The following CSGALNACT1 variants were observed in gnomAD, a reference collection of about 807,000 sequenced individuals.
The protein encoded by CSGALNACT1 is beta4GalNAcT-1.
Under a neutral mutation model 51.0 loss-of-function variants are expected in CSGALNACT1, and 52 were observed. The observed-to-expected ratio is 1.02, with a 90% CI of 0.82 to 1.29. CSGALNACT1 has a LOEUF of 1.29. CSGALNACT1 is among the 50% of genes most tolerant of loss of function. CSGALNACT1 has a pLI of 0.00. For missense variants in CSGALNACT1, 935 were observed against 679.2 expected, an observed-to-expected ratio of 1.38 and a Z score of -4.19; for synonymous variants, 341 against 254.4, an observed-to-expected ratio of 1.34 and a Z score of -3.24.
chr8:19,709,979 A>G (rs900595917), intron 1 of CSGALNACT1, among the ~76,000 whole-genome samples: 1 of 152,170 alleles, frequency 6.6e-6, no homozygotes, highest in Non-Finnish European at 1.5e-5. Flanking sequence ...GCAGATGTAA[A>G]TGACTAATTA....
At chr8:19,498,863 C>A (rs1005332853) in intron 4 of CSGALNACT1, among the ~76,000 whole-genome samples, 2 of 152,220 alleles carry the variant, frequency 1.3e-5, no homozygotes, top group African/African-American at 4.8e-5. Flanking sequence ...CCTGTAATCT[C>A]AATGCTTTGG....
At chr8:19,438,502 G>C (rs1180644745) in intron 6 of CSGALNACT1, among the ~76,000 whole-genome samples, 1 of 152,114 alleles carries the variant, frequency 6.6e-6, no homozygotes, top group Non-Finnish European at 1.5e-5. Flanking sequence ...TTTGATCTTA[G>C]ACACAGGCCA....
At chr8:19,670,650 C>CAAAAAAAAAAAAAAAAAA (rs752256046) in intron 1 of CSGALNACT1, among the ~76,000 whole-genome samples, 7 of 92,844 alleles carry the variant, frequency 7.5e-5, no homozygotes, top group Non-Finnish European at 7.7e-5. Context: ...CTACTGAAGA[C>CAAAAAAAAAAAAAAAAAA]AAAAAAAAAA....
intron 5 of CSGALNACT1, among the ~76,000 whole-genome samples, chr8:19,451,677 G>A (rs369290696): frequency 4.8e-4 from 73 of 152,276 alleles, no homozygotes; most frequent in Admixed American, 2.7e-3. Context: ...GACCAGGGCT[G>A]CTCTTTCTTG....
At chr8:19,660,727 T>G (rs1474108481) in intron 1 of CSGALNACT1, among the ~76,000 whole-genome samples, 1 of 152,154 alleles carries the variant, frequency 6.6e-6, no homozygotes, top group South Asian at 2.1e-4. Flanking sequence ...CCATGATCCC[T>G]GATATTAAAG....
chr8:19,553,534 A>G (rs564991978), intron 3 of CSGALNACT1, among the ~76,000 whole-genome samples: 2 of 150,704 alleles, frequency 1.3e-5, no homozygotes, highest in African/African-American at 4.9e-5. Flanking sequence ...AAGCTCAAAC[A>G]ATTTATATAC....
chr8:19,571,802 C>T (rs868712078), intron 3 of CSGALNACT1, among the ~76,000 whole-genome samples: 2 of 152,224 alleles, frequency 1.3e-5, no homozygotes, highest in Admixed American at 6.5e-5. Context: ...ACAGAAACCT[C>T]TGCCCTCTTT....
intron 1 of CSGALNACT1, among the ~76,000 whole-genome samples, chr8:19,688,026 T>C (rs752640514): frequency 2.0e-5 from 3 of 152,198 alleles, no homozygotes; most frequent in Non-Finnish European, 4.4e-5. Flanking sequence ...ATCTACTTTA[T>C]AGGAGTCATC....
At chr8:19,513,779 C>A (rs2078953368) in intron 3 of CSGALNACT1, among the ~76,000 whole-genome samples, 1 of 151,932 alleles carries the variant, frequency 6.6e-6, no homozygotes, top group Admixed American at 6.6e-5. Context: ...ATACTGCAGT[C>A]AACTGTAACA....
chr8:19,530,269 A>G (rs899878535), intron 3 of CSGALNACT1, among the ~76,000 whole-genome samples: 3 of 151,724 alleles, frequency 2.0e-5, no homozygotes, highest in African/African-American at 7.3e-5. Flanking sequence ...AATTCAATCC[A>G]TGGTTGGTTG....
At chr8:19,629,738 CTCCAAA>C (rs1241045987) in intron 1 of CSGALNACT1, among the ~76,000 whole-genome samples, 9 of 152,314 alleles carry the variant, frequency 5.9e-5, no homozygotes, top group Admixed American at 4.6e-4. Flanking sequence ...TTGACATCAG[CTCCAAA>C]TCCACTCATC....
chr8:19,523,047 T>C (rs1198730418), intron 3 of CSGALNACT1, among the ~76,000 whole-genome samples: 1 of 152,170 alleles, frequency 6.6e-6, no homozygotes, highest in African/African-American at 2.4e-5. Flanking sequence ...AATACACTCG[T>C]GTGAAGCTGC....
chr8:19,605,765 C>A (rs1180595200), upstream of CSGALNACT1, among the ~76,000 whole-genome samples: 2 of 152,152 alleles, frequency 1.3e-5, no homozygotes. Flanking sequence ...GTTTGGCAGA[C>A]ATCAATTAGC....
At chr8:19,455,212 A>T (rs1350508224) in intron 5 of CSGALNACT1, among the ~76,000 whole-genome samples, 2 of 152,238 alleles carry the variant, frequency 1.3e-5, no homozygotes, top group Non-Finnish European at 2.9e-5. Context: ...CAAACTAAAA[A>T]GTCATGTTTA....
intron 1 of CSGALNACT1, among the ~76,000 whole-genome samples, chr8:19,714,674 T>G (rs1202482820): frequency 6.6e-6 from 1 of 152,184 alleles, no homozygotes; most frequent in Non-Finnish European, 1.5e-5. Context: ...ATCATAGTTA[T>G]TTTAAGCCCC....
chr8:19,432,926 G>A (rs1032365278), intron 6 of CSGALNACT1, among the ~76,000 whole-genome samples: 3 of 151,688 alleles, frequency 2.0e-5, no homozygotes, highest in African/African-American at 7.3e-5. Flanking sequence ...AAACATCTAA[G>A]CTTCTTTAAG....
upstream of CSGALNACT1, among the ~76,000 whole-genome samples, chr8:19,604,766 T>G (rs1295681442): frequency 7.4e-6 from 1 of 135,062 alleles, no homozygotes; most frequent in African/African-American, 2.9e-5. Context: ...AAAAAAAAAA[T>G]TAGCCGCGCA....
intron 1 of CSGALNACT1, among the ~76,000 whole-genome samples, chr8:19,703,803 T>C (rs564696306): frequency 4.6e-5 from 7 of 152,224 alleles, no homozygotes; most frequent in African/African-American, 1.7e-4. Context: ...AAGTAATTTT[T>C]GTGATTAAGT....
chr8:19,568,422 C>T (rs1215876186), intron 3 of CSGALNACT1, among the ~76,000 whole-genome samples: 1 of 151,930 alleles, frequency 6.6e-6, no homozygotes, highest in Non-Finnish European at 1.5e-5. Flanking sequence ...CATCATTGAC[C>T]CAGACATCAT....
Sources: gnomAD v4.1 joint callset for allele counts (sites outside exome capture counted in the v4.1 genomes callset) on GRCh38, gnomAD v4.1.1 for gene constraint, MANE v1.5 for transcripts, NCBI Gene and HGNC (gene_info 2026-07-23, HGNC 2026-07-21) for gene names.